ADSL: variants seen among roughly 807,000 people sequenced by gnomAD.
The protein encoded by ADSL is adenylosuccinate lyase, also known as adenylosuccinase.
In ADSL, 44 loss-of-function variants were observed where a neutral mutation model predicts 62.1. The ratio of observed to expected loss-of-function variants is 0.71; its 90% CI spans 0.56 to 0.91. The LOEUF is 0.91. ADSL is among the 40% of genes least tolerant of loss of function. The pLI is 0.00. For synonymous variants in ADSL, 198 were observed against 220.5 expected, an observed-to-expected ratio of 0.90 and a Z score of 0.90; for missense variants, 531 against 627.4, an observed-to-expected ratio of 0.85 and a Z score of 1.64.
At chr22:40,380,227 AT>A (rs1569142828) in intron 2 of ADSL, among the ~76,000 whole-genome samples, 1 of 152,056 alleles carries the variant, frequency 6.6e-6, no homozygotes, top group Non-Finnish European at 1.5e-5. Context: ...CTGTGTGTGT[AT>A]TTGTATGTGT....
chr22:40,350,345 C>G, intron 2 of ADSL: 2 of 320,296 alleles, frequency 6.2e-6, no homozygotes, highest in Non-Finnish European at 1.2e-5. Context: ...CCAGGATGGT[C>G]TCTATCTCCT....
rs1029341244 is a variant in ADSL at position 40,367,835 on chromosome 22, T to A, written c.*1313T>A. On this transcript the variant is annotated 3_prime_UTR_variant, in exon 13 of 13. Coordinates refer to ENST00000623063, the MANE Select transcript of ADSL (RefSeq NM_000026.4). ...CTCTAACCTAAATCGGCTGAAATGA[T>A]GTGTCCTAAACTAGAGGAAAAAGTT... The A allele has an allele frequency of 1.3e-5, 2 of 152,510 alleles. No individual in the cohort carries two copies. The highest frequency in any genetic ancestry group is 6.5e-5 in the Admixed American group (1 of 15,280). The allele number at this position is 152,510 out of a possible 1,614,324, so 9.4% of individuals were successfully genotyped here.
chr22:40,360,343 G>A, intron 6 of ADSL, 59 bp from the exon 7 acceptor site: 1 of 1,416,784 alleles, frequency 7.1e-7, no homozygotes, highest in Non-Finnish European at 1.0e-6. Context: ...CTACAGTCAT[G>A]CACCACTGCA....
At chr22:40,375,130 C>G (rs1000722731) in intron 2 of ADSL, among the ~76,000 whole-genome samples, 2 of 152,160 alleles carry the variant, frequency 1.3e-5, no homozygotes, top group Non-Finnish European at 1.5e-5. Context: ...CTAATATATG[C>G]CTCTTTTGCA....
intron 2 of ADSL, among the ~76,000 whole-genome samples, chr22:40,384,859 C>CT (rs2048179973): frequency 6.6e-6 from 1 of 152,196 alleles, no homozygotes. Flanking sequence ...TGGAAATAAT[C>CT]TATGTTGTCA....
At position 40,367,449 on chromosome 22, in the gene ADSL, C is replaced by G. The variant is rs1361551729; in HGVS notation, c.*927C>G. The G allele has an allele frequency of 6.0e-6, 1 of 166,374 alleles. No individual in the cohort carries two copies. The highest frequency in any genetic ancestry group is 1.9e-4 in the East Asian group (1 of 5,194). 10.3% of individuals were successfully genotyped at this position (166,374 alleles called of 1,614,324 possible). Reference sequence around the variant, plus strand: ...ACCACACCCAGCCTAATCTTGTTTTCTTTTTTTACTTGTTTACAGTGTAAG... The same window carrying G: ...ACCACACCCAGCCTAATCTTGTTTTGTTTTTTTACTTGTTTACAGTGTAAG... On this transcript the variant is annotated 3_prime_UTR_variant, in exon 13 of 13. Coordinates refer to ENST00000623063, the MANE Select transcript of ADSL (RefSeq NM_000026.4).
chr22:40,377,058 C>G (rs2046749811), intron 2 of ADSL, among the ~76,000 whole-genome samples: 1 of 152,190 alleles, frequency 6.6e-6, no homozygotes, highest in Non-Finnish European at 1.5e-5. Context: ...TCCTCCATAT[C>G]TAGATCATGT....
Position 40,346,528 on chromosome 22 carries a change from C to T in ADSL, c.-31C>T, listed in dbSNP as rs747293932. On this transcript the variant is annotated 5_prime_UTR_variant, in exon 1 of 13. Coordinates refer to ENST00000623063, the MANE Select transcript of ADSL (RefSeq NM_000026.4). ...TTTCCGCTTCCGCTCTTCCCTGGTC[C>T]AGTCCACCCTGGCGGGGTCGCAGGG... 2.5e-6 allele frequency: 4 copies of T among 1,590,614 alleles called. No homozygotes were observed. Among genetic ancestry groups the T allele is most frequent in the African/African-American group, 2.7e-5 (2 of 74,698 alleles).
intron 2 of ADSL, chr22:40,376,280 T>C (rs930100837): frequency 8.2e-5 from 12 of 145,724 alleles, no homozygotes; most frequent in African/African-American, 3.0e-4. Context: ...GCTGCTTGCT[T>C]CCTTGCTTGT....
chr22:40,366,361 C>T (rs763071726), intron 12 of ADSL, 75 bp from the exon 13 acceptor site: 4 of 1,074,890 alleles, frequency 3.7e-6, no homozygotes, highest in Non-Finnish European at 5.7e-6. Context: ...AGTGGTATCC[C>T]CTGACATTGG....
intron 2 of ADSL, among the ~76,000 whole-genome samples, chr22:40,383,904 A>G (rs190772842): frequency 6.6e-6 from 1 of 152,264 alleles, no homozygotes; most frequent in East Asian, 1.9e-4. Flanking sequence ...TGCTAGAGGT[A>G]TTTTAGAGGT....
At chr22:40,358,532 T>C (rs1179334709) in intron 4 of ADSL, among the ~76,000 whole-genome samples, 1 of 152,192 alleles carries the variant, frequency 6.6e-6, no homozygotes, top group Non-Finnish European at 1.5e-5. Flanking sequence ...TACAGTCAGC[T>C]ATGTTCATGC....
At chr22:40,351,454 T>G (rs1165784480) in intron 2 of ADSL, among the ~76,000 whole-genome samples, 2 of 151,006 alleles carry the variant, frequency 1.3e-5, no homozygotes, top group East Asian at 4.0e-4. Flanking sequence ...TTACAGGCGT[T>G]AGCCACCACG....
At chr22:40,375,659 A>G (rs986501884) in intron 2 of ADSL, among the ~76,000 whole-genome samples, 3 of 142,572 alleles carry the variant, frequency 2.1e-5, no homozygotes, top group Non-Finnish European at 3.1e-5. Context: ...TCCAATTAAG[A>G]CAGAGAATTT....
Position 40,368,189 on chromosome 22 carries a change from A to C in ADSL, c.*1667A>C, listed in dbSNP as rs992247453. 2 of 152,238 alleles carry C rather than the reference A, an allele frequency of 1.3e-5. No homozygotes were observed. Among genetic ancestry groups the C allele is most frequent in the African/African-American group, 4.8e-5 (2 of 41,446 alleles). The allele number at this position is 152,238 out of a possible 1,614,324, so 9.4% of individuals were successfully genotyped here. A position where few individuals can be genotyped will look rare whatever the true frequency, so the allele number is the denominator to read the frequency against. On this transcript the variant is annotated 3_prime_UTR_variant, in exon 13 of 13. Coordinates refer to ENST00000623063, the MANE Select transcript of ADSL (RefSeq NM_000026.4). ...TTGCCCCAAGAGACACACTGAGCTC[A>C]ATACCCATTACTGAGACTGGCTTGG...
At chr22:40,374,146 G>A (rs1460504858), downstream of ADSL, among the ~76,000 whole-genome samples, 3 of 151,684 alleles carry the variant, frequency 2.0e-5, no homozygotes, top group South Asian at 2.1e-4. Context: ...TAGTAGAGAC[G>A]GGGCTTCACC....
In ADSL at chr22:40,376,178, C is replaced by CTT. The variant is rs10616868; in HGVS notation, c.89+9711_89+9712dup. The CTT allele has an allele frequency of 8.6e-4, 75 of 86,874 alleles. 12 individuals are homozygous for CTT. The highest frequency in any genetic ancestry group is 1.1e-3 in the Non-Finnish European group (51 of 44,354). The allele number at this position is 86,874 out of a possible 1,614,324, so 5.4% of individuals were successfully genotyped here. A position where few individuals can be genotyped will look rare whatever the true frequency, so the allele number is the denominator to read the frequency against. On this transcript the variant is annotated intron_variant, in intron 2 of 2. Coordinates refer to the ADSL transcript ENST00000498234. ...GGATAGGGTTAAAGTCAAATTACCA[C>CTT]TTTTTTTTTTTTTTTTTTTTTTTTT...
chr22:40,370,495 T>C (rs977747703), downstream of ADSL: 1 of 152,312 alleles, frequency 6.6e-6, no homozygotes, highest in Non-Finnish European at 1.5e-5. Flanking sequence ...ATGCTGGCCT[T>C]GGGATGGGGG....
chr22:40,354,944 T>C (rs1044882124), intron 4 of ADSL, among the ~76,000 whole-genome samples: 1 of 151,974 alleles, frequency 6.6e-6, no homozygotes, highest in Non-Finnish European at 1.5e-5. Context: ...CATACATCCA[T>C]AGGTTGGAAT....
Sources: allele counts gnomAD v4.1 joint callset (sites outside exome capture counted in the v4.1 genomes callset), GRCh38; gene constraint gnomAD v4.1.1; transcripts MANE v1.5; gene names NCBI Gene and HGNC (gene_info 2026-07-23, HGNC 2026-07-21).